The following LYPLAL1 variants were observed in gnomAD, a reference collection of about 807,000 sequenced individuals.
LYPLAL1 encodes lysophospholipase-like protein 1.
In LYPLAL1, 23 loss-of-function variants were observed where a neutral mutation model predicts 19.7. That is an observed-to-expected ratio of 1.17 (90% CI 0.84 to 1.65). The LOEUF (loss-of-function observed/expected upper bound fraction) is 1.65. LYPLAL1 is among the 40% of genes most tolerant of loss of function. LYPLAL1 has a pLI of 0.00. For synonymous variants in LYPLAL1, 119 were observed against 96.3 expected (o/e 1.24, Z -1.38); for missense variants, 355 against 279.4 (o/e 1.27, Z -1.93).
At chr1:219,402,108 T>C in the LYPLAL1 span, among the ~76,000 whole-genome samples, 2 of 152,220 alleles carry the variant, frequency 1.3e-5, no homozygotes, top group Non-Finnish European at 2.9e-5. Flanking sequence ...GCTTGGTTTT[T>C]AAAAAGGGAA....
At chr1:219,233,174 A>T in the LYPLAL1 span, among the ~76,000 whole-genome samples, 1 of 152,212 alleles carries the variant, frequency 6.6e-6, no homozygotes, top group East Asian at 1.9e-4. Context: ...GTGTAATATT[A>T]TTCAGCCTTT....
At chr1:219,363,174 T>C in the LYPLAL1 span, among the ~76,000 whole-genome samples, 2 of 152,114 alleles carry the variant, frequency 1.3e-5, no homozygotes, top group Non-Finnish European at 2.9e-5. Flanking sequence ...AGGGGAAGTA[T>C]TTAAGTAAGT....
the LYPLAL1 span, among the ~76,000 whole-genome samples, chr1:219,389,637 A>G: frequency 6.6e-6 from 1 of 152,158 alleles, no homozygotes; most frequent in African/African-American, 2.4e-5. Context: ...TTGGGTTGTC[A>G]TGTCCTGAAC....
intron 1 of LYPLAL1, among the ~76,000 whole-genome samples, chr1:219,177,529 A>G (rs892415606): frequency 6.6e-6 from 1 of 152,130 alleles, no homozygotes; most frequent in Non-Finnish European, 1.5e-5. Context: ...CAACCTGTGT[A>G]TGCCTGTTGC....
the LYPLAL1 span, chr1:219,273,153 C>T: frequency 6.6e-6 from 1 of 152,272 alleles, no homozygotes; most frequent in African/African-American, 2.4e-5. Flanking sequence ...CTATATTTTG[C>T]TCTCCACATG....
At chr1:219,232,493 T>A in the LYPLAL1 span, among the ~76,000 whole-genome samples, 4 of 152,132 alleles carry the variant, frequency 2.6e-5, no homozygotes, top group Admixed American at 1.3e-4. Flanking sequence ...TTCTTGGGTA[T>A]GACAGCAAAA....
chr1:219,194,724 T>C (rs1334871816), intron 3 of LYPLAL1, among the ~76,000 whole-genome samples: 1 of 152,028 alleles, frequency 6.6e-6, no homozygotes, highest in Non-Finnish European at 1.5e-5. Flanking sequence ...TTGTCAGTAC[T>C]GTAGGAATTG....
intron 3 of LYPLAL1, among the ~76,000 whole-genome samples, chr1:219,206,664 G>T (rs757076751): frequency 1.3e-5 from 2 of 151,122 alleles, no homozygotes; most frequent in African/African-American, 2.4e-5. Flanking sequence ...ATGTCTGCAG[G>T]ATGCATTTAT....
At chr1:219,341,755 G>C in the LYPLAL1 span, among the ~76,000 whole-genome samples, 1 of 152,044 alleles carries the variant, frequency 6.6e-6, no homozygotes, top group Admixed American at 6.6e-5. Flanking sequence ...CAAGCTGTTT[G>C]CTTGAGATTT....
the LYPLAL1 span, among the ~76,000 whole-genome samples, chr1:219,310,506 G>T: frequency 5.3e-5 from 8 of 152,204 alleles, no homozygotes; most frequent in Non-Finnish European, 1.2e-4. Context: ...ATCAAGGCCT[G>T]TGAGTAAAAT....
intron 2 of LYPLAL1, among the ~76,000 whole-genome samples, chr1:219,181,993 A>T (rs1370932596): frequency 1.3e-5 from 2 of 152,252 alleles, no homozygotes; most frequent in East Asian, 3.9e-4. Context: ...GTGGGTATTT[A>T]TATATAATAC....
At chr1:219,190,041 A>G (rs1288964583) in intron 2 of LYPLAL1, among the ~76,000 whole-genome samples, 1 of 151,644 alleles carries the variant, frequency 6.6e-6, no homozygotes, top group Non-Finnish European at 1.5e-5. Context: ...AACTTAATAG[A>G]TACTAAATAG....
chr1:219,352,011 C>T, the LYPLAL1 span, among the ~76,000 whole-genome samples: 1 of 152,270 alleles, frequency 6.6e-6, no homozygotes, highest in African/African-American at 2.4e-5. Context: ...TTTGTAAATT[C>T]TATTTTTAAT....
Position 219,211,581 on chromosome 1 carries a change from G to A in LYPLAL1, c.567G>A (p.Glu189=). 2 of 1,613,338 alleles carry A rather than the reference G, an allele frequency of 1.2e-6. No individual in the cohort carries two copies. The highest frequency in any genetic ancestry group is 1.7e-6 in the Non-Finnish European group (2 of 1,179,452). The change falls in exon 5 of 5, where the codon GAG becomes GAA. Residue 189 remains glutamate, a synonymous_variant. Transcript: ENST00000366928. ...TAGTTCTTCATTCTTGGGCAGAAGAGACAAACTCAATGTTAAAATCTCTAG... is the reference window on the plus strand; with the variant it reads ...TAGTTCTTCATTCTTGGGCAGAAGAAACAAACTCAATGTTAAAATCTCTAG... The part of the protein sequence containing the change: ...DELVLHSWAE[E]TNSMLKSLGV...
chr1:219,285,148 C>T, the LYPLAL1 span, among the ~76,000 whole-genome samples: 1 of 152,208 alleles, frequency 6.6e-6, no homozygotes, highest in African/African-American at 2.4e-5. Context: ...AGTAAGTCTT[C>T]AGTTGTAGGT....
In LYPLAL1 at chr1:219,193,109, C is replaced by A. The variant is rs1343209063; in HGVS notation, c.219C>A (p.Ile73=). The change falls in exon 3 of 5, where the codon ATC becomes ATA. Residue 73 remains isoleucine (I), a synonymous_variant. Coordinates refer to ENST00000366928, the MANE Select transcript of LYPLAL1 (RefSeq NM_138794.5). ...PRSYTPMKGG[I]SNVWFDRFKI... ...CATATACTCCTATGAAAGGAGGAAT[C>A]TCCAATGTATGGTTTGACAGATTTA... 7 of 1,586,688 alleles carry A rather than the reference C, an allele frequency of 4.4e-6. No homozygotes were observed. Among genetic ancestry groups the A allele is most frequent in the Non-Finnish European group, 4.3e-6 (5 of 1,162,360 alleles).
the LYPLAL1 span, among the ~76,000 whole-genome samples, chr1:219,373,531 A>G: frequency 1.3e-5 from 2 of 152,212 alleles, no homozygotes; most frequent in African/African-American, 4.8e-5. Context: ...TGATTACATG[A>G]TAAGACATTC....
chr1:219,251,719 C>T, the LYPLAL1 span, among the ~76,000 whole-genome samples: 1 of 152,006 alleles, frequency 6.6e-6, no homozygotes, highest in African/African-American at 2.4e-5. Flanking sequence ...TGTGATGCCT[C>T]CAGCTTTGTT....
chr1:219,361,782 AG>A, the LYPLAL1 span, among the ~76,000 whole-genome samples: 1 of 152,172 alleles, frequency 6.6e-6, no homozygotes, highest in Non-Finnish European at 1.5e-5. Context: ...GACAAAAGTG[AG>A]GGGTAAAAGA....
Sources: gnomAD v4.1 joint callset for allele counts (sites outside exome capture counted in the v4.1 genomes callset) on GRCh38, gnomAD v4.1.1 for gene constraint, MANE v1.5 for transcripts, NCBI Gene and HGNC (gene_info 2026-07-23, HGNC 2026-07-21) for gene names.